The following SRCIN1 variants were observed in gnomAD, a reference collection of about 807,000 sequenced individuals.
The protein encoded by SRCIN1 is P130Cas-associated protein.
In SRCIN1, 50 loss-of-function variants were observed where a neutral mutation model predicts 116.2. The ratio of observed to expected loss-of-function variants is 0.43; its 90% CI spans 0.34 to 0.54. The LOEUF is 0.54. Among genes scored for constraint, SRCIN1 ranks in the 20% least tolerant of loss-of-function variants. SRCIN1 has a pLI of 0.02. For synonymous variants in SRCIN1, 736 were observed against 750.0 expected (o/e 0.98, Z 0.30); for missense variants, 1,446 against 1,672.0 (o/e 0.86, Z 2.36).
Position 38,568,890 on chromosome 17 carries a change from C to G in SRCIN1, c.325-659G>C, listed in dbSNP as rs1906890034. ...GAGCAGAGTGGGATCAGAACTAGAC[C>G]CCGGGGCAGAGGTGGATGGGGTGGA... On this transcript the variant is annotated intron_variant, in intron 2 of 18. Transcript: ENST00000617146. The surrounding 1 kb of genome is among the most constrained non-coding windows in gnomAD (Gnocchi z 4.5). 6.6e-6 allele frequency among the ~76,000 whole-genome samples: 1 copy of G among 151,424 alleles called. No homozygotes were observed. Among genetic ancestry groups the G allele is most frequent in the African/African-American group, 2.4e-5 (1 of 41,140 alleles).
At chr17:38,579,821 G>A (rs1907680412) in intron 1 of SRCIN1, among the ~76,000 whole-genome samples, 1 of 152,228 alleles carries the variant, frequency 6.6e-6, no homozygotes, top group Non-Finnish European at 1.5e-5. Context: ...CCAGTGGCCA[G>A]GGGTTCCAGA....
At chr17:38,576,986 C>T (rs1907457290) in intron 2 of SRCIN1, among the ~76,000 whole-genome samples, 1 of 152,184 alleles carries the variant, frequency 6.6e-6, no homozygotes, top group Admixed American at 6.5e-5. Context: ...CATCCCACTA[C>T]CTCCCACCTG....
Position 38,578,660 on chromosome 17 carries a change from T to A in SRCIN1, c.154A>T (p.Thr52Ser), listed in dbSNP as rs1313472349. The change falls in exon 2 of 19, where the codon ACG (threonine) becomes TCG (serine). Residue 52 changes from threonine (T) to serine (S), a missense_variant. Thr to Ser is a moderately conservative substitution (Grantham distance 58). This residue lies in a region of SRCIN1 where 246 missense variants were observed against 265.1 expected (regional missense o/e 0.93). Coordinates refer to ENST00000617146, the MANE Select transcript of SRCIN1 (RefSeq NM_025248.3). ...RRFSNVGLVH[T>S]SERRHTVIAA... ...ATCACCGTGTGCCGCCGCTCGGACG[T>A]GTGCACCAGCCCCACGTTGGAGAAG... 1 of 1,577,562 alleles carries A rather than the reference T, an allele frequency of 6.3e-7. No homozygotes were observed. The highest frequency in any genetic ancestry group is 1.8e-5 in the Admixed American group (1 of 55,258).
chr17:38,540,020 C>CAAA (rs71138631), intron 18 of SRCIN1, among the ~76,000 whole-genome samples: 35 of 60,908 alleles, frequency 5.7e-4, no homozygotes, highest in East Asian at 1.9e-3. Context: ...GACTCCATCT[C>CAAA]AAAAAAAAAA....
chr17:38,554,142 C>T (rs1191374284), intron 11 of SRCIN1, among the ~76,000 whole-genome samples: 3 of 151,118 alleles, frequency 2.0e-5, no homozygotes, highest in African/African-American at 4.9e-5. Flanking sequence ...ACCCAGGAGG[C>T]GGAGGTTGCA....
At chr17:38,570,643 GGCCCACCTCGTGGTCCTGGGA>G (rs1907021677) in intron 2 of SRCIN1, among the ~76,000 whole-genome samples, 1 of 152,246 alleles carries the variant, frequency 6.6e-6, no homozygotes, top group Admixed American at 6.5e-5. Flanking sequence ...GGATGACTGA[GGCCCACCTCGTGGTCCTGGGA>G]GGGAGATAAA....
In SRCIN1 at chr17:38,533,413, C is replaced by T. The variant is rs374609814; in HGVS notation, c.3436G>A (p.Glu1146Lys). Residue 1146 changes from glutamate (E) to lysine (K), a missense_variant, in exon 19 of 19, where the codon GAG becomes AAG. Transcript: ENST00000617146. ...AQQQATKPSKEMSGSNETSSP... is the reference protein window; with the variant it reads ...AQQQATKPSKKMSGSNETSSP... ...GAGGTCTCATTCGACCCGCTCATCT[C>T]TTTAGATGGTTTAGTGGCCTGGAAC... is the stretch of plus-strand genomic sequence containing the variant. 6.2e-7 allele frequency: 1 copy of T among 1,613,158 alleles called. No individual in the cohort carries two copies. The highest frequency in any genetic ancestry group is 8.5e-7 in the Non-Finnish European group (1 of 1,179,728).
chr17:38,577,209 C>T (rs111784797), intron 2 of SRCIN1, among the ~76,000 whole-genome samples: 3,000 of 152,312 alleles, frequency 0.02, 115 homozygotes, highest in African/African-American at 0.067. Context: ...CCTCTAAACC[C>T]CGTCCCAACT....
intron 2 of SRCIN1, among the ~76,000 whole-genome samples, chr17:38,575,628 C>A (rs1192784725): frequency 3.3e-5 from 5 of 152,156 alleles, no homozygotes; most frequent in Admixed American, 3.3e-4. Flanking sequence ...CAGCTCTCAT[C>A]CCCTCCTCAC....
chr17:38,587,613 A>G (rs1444488034), intron 1 of SRCIN1, among the ~76,000 whole-genome samples: 1 of 152,062 alleles, frequency 6.6e-6, no homozygotes, highest in Non-Finnish European at 1.5e-5. Flanking sequence ...CCATTCCACG[A>G]TGCCACTTCC....
chr17:38,559,089 G>A (rs919119229), intron 10 of SRCIN1: 1 of 172,258 alleles, frequency 5.8e-6, no homozygotes, highest in African/African-American at 2.4e-5. Flanking sequence ...GGGCCTGCTT[G>A]AGGAGCGGAC....
At position 38,563,584 on chromosome 17, in the gene SRCIN1, C is replaced by A; in HGVS notation, c.542-63G>T. The A allele has an allele frequency of 6.5e-7, 1 of 1,534,006 alleles. No homozygotes were observed. Among genetic ancestry groups the A allele is most frequent in the African/African-American group, 1.4e-5 (1 of 73,054 alleles). On this transcript the variant is annotated intron_variant, in intron 4 of 18. Transcript: ENST00000617146. The surrounding 1 kb of genome is among the most constrained non-coding windows in gnomAD (Gnocchi z 5.8). ...GTCTCCACGCCGCCCTCCAGGAGAG[C>A]GCGGGGAGCTTTTCGGAGCTGCGCC...
At chr17:38,551,697 A>C (rs1488700022) in intron 14 of SRCIN1, 189 bp downstream of exon 14, 1 of 862,756 alleles carries the variant, frequency 1.2e-6, no homozygotes, top group Non-Finnish European at 1.8e-6. Context: ...TTGTAGCTTT[A>C]TAATACGCTT....
chr17:38,596,003 G>A (rs1055832547), intron 1 of SRCIN1, among the ~76,000 whole-genome samples: 1 of 122,268 alleles, frequency 8.2e-6, no homozygotes, highest in Non-Finnish European at 1.6e-5. Flanking sequence ...ATCTGACTAC[G>A]GAGAGCTGGA....
chr17:38,558,833 C>T lies in SRCIN1; in HGVS notation c.2026-431G>A, dbSNP rs1315315339. Among the ~76,000 whole-genome samples, 1 of 152,162 alleles carries T rather than the reference C, an allele frequency of 6.6e-6. No homozygotes were observed. The highest frequency in any genetic ancestry group is 1.5e-5 in the Non-Finnish European group (1 of 68,032). ...GTAGCCCTATGTAGGTCCCTGCCGA[C>T]AGTGCGGCCGCATGGCTATGGCTTC... On this transcript the variant is annotated intron_variant, in intron 10 of 18. Coordinates refer to ENST00000617146, the MANE Select transcript of SRCIN1 (RefSeq NM_025248.3). The surrounding 1 kb of genome is among the most constrained non-coding windows in gnomAD (Gnocchi z 4.6).
In SRCIN1 at chr17:38,543,815, G is replaced by A. The variant is rs748586313; in HGVS notation, c.3417+8C>T. 10 of 1,603,682 alleles carry A rather than the reference G, an allele frequency of 6.2e-6. No homozygotes were observed. In the Admixed American group the frequency reaches 1.0e-4, roughly 16 times the overall value. ...GGCCTGGGTGGCCCCCACAGTCCCC[G>A]CCCTCACCTGCTGCTGGGCCTGGAT... On this transcript the variant is annotated splice_region_variant and intron_variant, in intron 18 of 18. Transcript: ENST00000617146.
rs1167649328 is a variant in SRCIN1, at chr17:38,578,713, C to T, written c.101G>A (p.Gly34Glu). Residue 34 changes from glycine (G) to glutamate (E), a missense_variant, in exon 2 of 19, where the codon GGG becomes GAG. Physicochemically the swap from Gly to Glu is moderately conservative, Grantham distance 98. Transcript: ENST00000617146. ...YPREYRTLGGGGGGGSGGRRF... is the reference protein window; with the variant it reads ...YPREYRTLGGEGGGGSGGRRF... ...CCGGCCCCCGCTGCCCCCGCCGCCC[C>T]CGCCCCCCAGGGTCCGGTACTCCCG... The T allele has an allele frequency of 3.3e-6, 5 of 1,535,718 alleles. No homozygotes were observed. The African/African-American group carries it at 6.9e-5, about 21-fold the overall frequency.
intron 1 of SRCIN1, among the ~76,000 whole-genome samples, chr17:38,580,277 A>AACACACAC (rs151312373): frequency 2.7e-5 from 4 of 150,250 alleles, no homozygotes; most frequent in Admixed American, 1.3e-4. Flanking sequence ...ACCTGCCCCC[A>AACACACAC]ACACACACAC....
At chr17:38,595,366 C>T (rs373206575) in intron 1 of SRCIN1, among the ~76,000 whole-genome samples, 51 of 152,192 alleles carry the variant, frequency 3.4e-4, no homozygotes, top group African/African-American at 1.2e-3. Flanking sequence ...TACAGACACC[C>T]GCCACCACAC....
Sources: allele counts gnomAD v4.1 joint callset (sites outside exome capture counted in the v4.1 genomes callset), GRCh38; gene constraint gnomAD v4.1.1; regional missense constraint gnomAD v4.1.1; non-coding constraint Gnocchi (gnomAD v3.1); transcripts MANE v1.5; gene names NCBI Gene and HGNC (gene_info 2026-07-23, HGNC 2026-07-21).